Variants in FSTL4 observed in about 807,000 individuals in gnomAD.
The protein encoded by FSTL4 is follistatin like 4.
Under a neutral mutation model 78.2 loss-of-function variants are expected in FSTL4, and 28 were observed. The ratio of observed to expected loss-of-function variants is 0.36; its 90% CI spans 0.27 to 0.49. FSTL4 has a LOEUF of 0.49. FSTL4 is among the 20% of genes least tolerant of loss of function. The probability of loss-of-function intolerance (pLI) is 0.98; values close to 1 mark genes in which losing one functional copy is unlikely to be tolerated. For missense variants in FSTL4, 922 were observed against 1,084.9 expected (o/e 0.85, Z 2.11); for synonymous variants, 422 against 440.5 (o/e 0.96, Z 0.53).
chr5:133,706,020 G>A, the FSTL4 span, among the ~76,000 whole-genome samples: 1 of 152,200 alleles, frequency 6.6e-6, no homozygotes, highest in Non-Finnish European at 1.5e-5. Context: ...CATGGGCTGA[G>A]TGCATCCCTG....
In FSTL4 at chr5:133,294,962, C is replaced by T. The variant is rs561885904; in HGVS notation, c.727+17692G>A. The stretch of plus-strand genomic sequence containing the variant: ...TGTCTGGGTGCTGTCTGCTTATACC[C>T]GGGTAGCTGAACATGCTGGGGAAAC... On this transcript the variant is annotated intron_variant, in intron 6 of 15. Transcript: ENST00000265342. 5.0e-4 allele frequency among the ~76,000 whole-genome samples: 76 copies of T among 152,278 alleles called. 1 individual carries two copies. In the South Asian group the frequency reaches 0.011, roughly 21 times the overall value.
intron 3 of FSTL4, among the ~76,000 whole-genome samples, chr5:133,461,647 G>T (rs1225177303): frequency 6.6e-6 from 1 of 152,114 alleles, no homozygotes; most frequent in Non-Finnish European, 1.5e-5. Context: ...TATCTGGGGC[G>T]CCCAATAAGA....
chr5:133,570,441 G>C (rs1760130965), intron 2 of FSTL4, among the ~76,000 whole-genome samples: 1 of 152,070 alleles, frequency 6.6e-6, no homozygotes, highest in Non-Finnish European at 1.5e-5. Context: ...TCCTGCCTTA[G>C]CCTCCCAGTT....
At chr5:133,834,262 T>A in the FSTL4 span, among the ~76,000 whole-genome samples, 1 of 152,056 alleles carries the variant, frequency 6.6e-6, no homozygotes, top group Non-Finnish European at 1.5e-5. Context: ...TTGAAAGCAA[T>A]AAACATGGGC....
chr5:133,393,735 C>T (rs1055886383), intron 4 of FSTL4, among the ~76,000 whole-genome samples: 8 of 152,244 alleles, frequency 5.3e-5, no homozygotes, highest in African/African-American at 9.6e-5. Context: ...TTCTGGGTAT[C>T]CCTCAGTTTC....
At chr5:133,632,325 T>C in the FSTL4 span, among the ~76,000 whole-genome samples, 1 of 152,168 alleles carries the variant, frequency 6.6e-6, no homozygotes, top group South Asian at 2.1e-4. Flanking sequence ...GGTGTTATAA[T>C]TTTTGCTTCA....
intron 4 of FSTL4, among the ~76,000 whole-genome samples, chr5:133,341,651 G>A (rs1022861041): frequency 2.0e-5 from 3 of 152,134 alleles, no homozygotes; most frequent in African/African-American, 4.8e-5. Flanking sequence ...ACCTCTCTGT[G>A]CCATTCTCTC....
intron 2 of FSTL4, among the ~76,000 whole-genome samples, chr5:133,578,343 G>A (rs542985623): frequency 6.6e-6 from 1 of 152,370 alleles, no homozygotes; most frequent in East Asian, 1.9e-4. Context: ...CTGCAGGCCT[G>A]AGGAAGCCAC....
chr5:133,206,892 A>G (rs550644749), intron 14 of FSTL4, among the ~76,000 whole-genome samples: 1 of 150,604 alleles, frequency 6.6e-6, no homozygotes, highest in Non-Finnish European at 1.5e-5. Context: ...TCCTTGGTAC[A>G]GCTTTCTCTG....
rs1756468947 is a variant in FSTL4, at chr5:133,411,099, C to A, written c.161-10113G>T. On this transcript the variant is annotated intron_variant, in intron 3 of 15. Coordinates refer to ENST00000265342, the MANE Select transcript of FSTL4 (RefSeq NM_015082.2). ...CCACTGGGGCCTGACAACCTGTCTA[C>A]TTCTATGAGAAGCTCACAGGGTCAG... is the stretch of plus-strand genomic sequence containing the variant. Among the ~76,000 whole-genome samples, 2 of 152,120 alleles carry A rather than the reference C, an allele frequency of 1.3e-5. 1 individual carries two copies. Among genetic ancestry groups the A allele is most frequent in the Admixed American group, 1.3e-4 (2 of 15,272 alleles).
At chr5:133,591,743 A>T (rs62376603) in intron 2 of FSTL4, among the ~76,000 whole-genome samples, 7,796 of 152,130 alleles carry the variant, frequency 0.051, 281 homozygotes, top group Non-Finnish European at 0.076. Context: ...CTCTGGAAAG[A>T]CCAGTCTCTG....
chr5:133,298,528 G>A (rs1753460283), intron 6 of FSTL4, among the ~76,000 whole-genome samples: 1 of 152,246 alleles, frequency 6.6e-6, no homozygotes, highest in East Asian at 1.9e-4. Context: ...TGGTAGGCAT[G>A]AATGGATACA....
the FSTL4 span, among the ~76,000 whole-genome samples, chr5:133,647,877 C>T: frequency 6.6e-6 from 1 of 152,108 alleles, no homozygotes; most frequent in Non-Finnish European, 1.5e-5. Flanking sequence ...ATCTTAAATT[C>T]CCACGTGTTG....
chr5:133,466,875 AGTGT>A (rs1000113763), intron 3 of FSTL4, among the ~76,000 whole-genome samples: 1 of 151,608 alleles, frequency 6.6e-6, no homozygotes, highest in Non-Finnish European at 1.5e-5. Flanking sequence ...TCAGAGTGTG[AGTGT>A]GTGTGTGTCA....
chr5:133,435,773 T>A (rs1757022437), intron 3 of FSTL4, among the ~76,000 whole-genome samples: 1 of 152,220 alleles, frequency 6.6e-6, no homozygotes, highest in Admixed American at 6.5e-5. Context: ...ATTTGGTACA[T>A]AAAGCTCCAT....
chr5:133,714,246 C>G, the FSTL4 span, among the ~76,000 whole-genome samples: 2 of 152,184 alleles, frequency 1.3e-5, no homozygotes, highest in Non-Finnish European at 2.9e-5. Context: ...CATGGCCCCC[C>G]GTCTCTGGCA....
chr5:133,449,614 G>T (rs1757341912), intron 3 of FSTL4, among the ~76,000 whole-genome samples: 2 of 152,142 alleles, frequency 1.3e-5, no homozygotes, highest in Admixed American at 1.3e-4. Flanking sequence ...TACAGGGAGA[G>T]CCTTCCTCAA....
At chr5:133,372,774 G>A (rs1755342421) in intron 4 of FSTL4, among the ~76,000 whole-genome samples, 1 of 152,174 alleles carries the variant, frequency 6.6e-6, no homozygotes, top group Admixed American at 6.5e-5. Context: ...GGCATTTTAT[G>A]GTGCGAACTG....
At position 133,578,834 on chromosome 5, in the gene FSTL4, C is replaced by T. The variant is rs143198564; in HGVS notation, c.127-11615G>A. 4.4e-3 allele frequency among the ~76,000 whole-genome samples: 664 copies of T among 152,282 alleles called. 2 individuals are homozygous for T. Among genetic ancestry groups the T allele is most frequent in the African/African-American group, 0.015 (624 of 41,550 alleles). Reference sequence around the variant, plus strand: ...ATCACTGCTCCTTGTTAAACATAATCGCCTGCACACAGCCAGATTAAGGGA... The same window carrying T: ...ATCACTGCTCCTTGTTAAACATAATTGCCTGCACACAGCCAGATTAAGGGA... On this transcript the variant is annotated intron_variant, in intron 2 of 15. Coordinates refer to ENST00000265342, the MANE Select transcript of FSTL4 (RefSeq NM_015082.2).
Sources: allele counts gnomAD v4.1 joint callset (sites outside exome capture counted in the v4.1 genomes callset), GRCh38; gene constraint gnomAD v4.1.1; transcripts MANE v1.5; gene names NCBI Gene and HGNC (gene_info 2026-07-23, HGNC 2026-07-21).